Variants in ADCY7 observed in about 807,000 individuals in gnomAD.
ADCY7 encodes adenylate cyclase type 7.
A neutral mutation model predicts 120.6 loss-of-function variants in ADCY7; 72 were observed. The observed-to-expected ratio is 0.60, with a 90% CI of 0.49 to 0.73. ADCY7 has a LOEUF of 0.73. Ranked by LOEUF, ADCY7 falls within the 30% of genes least tolerant of loss-of-function variation. The probability of loss-of-function intolerance (pLI) is 0.00; values close to 1 mark genes in which losing one functional copy is unlikely to be tolerated. For synonymous variants in ADCY7, 661 were observed against 628.0 expected, an observed-to-expected ratio of 1.05 and a Z score of -0.78; for missense variants, 1,227 against 1,486.0, an observed-to-expected ratio of 0.83 and a Z score of 2.87.
At chr16:50,259,245 G>C (rs1374402315) in intron 1 of ADCY7, among the ~76,000 whole-genome samples, 3 of 152,078 alleles carry the variant, frequency 2.0e-5, no homozygotes, top group African/African-American at 7.2e-5. Flanking sequence ...AAAAAGAAAG[G>C]GGTCACACTT....
At chr16:50,306,981 A>G in intron 14 of ADCY7, 69 bp from the exon 15 acceptor site, 1 of 1,250,980 alleles carries the variant, frequency 8.0e-7, no homozygotes, top group Non-Finnish European at 1.1e-6. Context: ...TTTAAAGCTG[A>G]TTCACTGGAG....
Position 50,307,052 on chromosome 16 carries a change from C to A in ADCY7, c.1755C>A (p.Tyr585Ter). The A allele has an allele frequency of 1.2e-6, 2 of 1,607,104 alleles. No individual in the cohort carries two copies. Among genetic ancestry groups the A allele is most frequent in the Non-Finnish European group, 1.7e-6 (2 of 1,179,608 alleles). ...IFLEKGFERE[Y>*]RLAPIPRARH... ...CTCACAGTCCCTGCTGCCCCCAGTA[C>A]CGCCTGGCACCCATCCCCCGGGCCC... The change falls in exon 15 of 26, where the codon TAC (tyrosine) becomes TAA (stop). Residue 585 changes from tyrosine to a stop codon, truncating the protein, a stop_gained and splice_region_variant. Transcript: ENST00000673801. LOFTEE classifies it high-confidence loss of function.
At chr16:50,266,347 A>G (rs1276458396), upstream of ADCY7, among the ~76,000 whole-genome samples, 2 of 152,154 alleles carry the variant, frequency 1.3e-5, no homozygotes, top group Non-Finnish European at 2.9e-5. Flanking sequence ...TCCAGCTTCA[A>G]GCTTCAAATT....
rs568097152 is a variant in ADCY7, at chr16:50,315,858, G to A, written c.*353G>A. On this transcript the variant is annotated 3_prime_UTR_variant, in exon 26 of 26. Transcript: ENST00000673801. The stretch of plus-strand genomic sequence containing the variant: ...GATGAAAACAGACTTCCACCTCAGT[G>A]GCCTGTGGGCACGCACAAGTGAGGT... 8.6e-5 allele frequency: 19 copies of A among 221,894 alleles called. No homozygotes were observed. Among genetic ancestry groups the A allele is most frequent in the Middle Eastern group, 1.7e-3 (1 of 588 alleles). 13.7% of individuals were successfully genotyped at this position (221,894 alleles called of 1,614,324 possible).
At chr16:50,300,369 G>A (rs892800883) in intron 8 of ADCY7, among the ~76,000 whole-genome samples, 5 of 152,182 alleles carry the variant, frequency 3.3e-5, no homozygotes, top group African/African-American at 9.6e-5. Context: ...ACCACGCCCG[G>A]CCCCCAGTAA....
At chr16:50,292,882 T>C (rs1295410956) in intron 5 of ADCY7, 57 bp downstream of exon 5, 15 of 1,583,168 alleles carry the variant, frequency 9.5e-6, no homozygotes, top group Non-Finnish European at 1.3e-5. Context: ...CCTCTTTCTG[T>C]TGGACATGAG....
intron 19 of ADCY7, 116 bp from the exon 20 acceptor site, chr16:50,311,577 C>A: frequency 1.3e-6 from 1 of 763,604 alleles, no homozygotes; most frequent in South Asian, 1.5e-5. Flanking sequence ...TTTCTACCCA[C>A]CCCATTAGAA....
At chr16:50,282,279 C>T (rs1337816160) in intron 1 of ADCY7, among the ~76,000 whole-genome samples, 1 of 152,204 alleles carries the variant, frequency 6.6e-6, no homozygotes, top group Admixed American at 6.5e-5. Flanking sequence ...GGGGACGCTG[C>T]CAGATCAGCT....
intron 14 of ADCY7, 27 bp downstream of exon 14, chr16:50,305,876 C>T (rs372411224): frequency 1.9e-6 from 3 of 1,610,426 alleles, no homozygotes; most frequent in Non-Finnish European, 2.5e-6. Flanking sequence ...GCCTCCTCCG[C>T]AGAGGGACGG....
At chr16:50,294,843 T>G in intron 7 of ADCY7, 92 bp downstream of exon 7, 1 of 871,808 alleles carries the variant, frequency 1.1e-6, no homozygotes, top group Non-Finnish European at 1.8e-6. Context: ...CTGCTGGAAT[T>G]GGGATGGGGA....
intron 1 of ADCY7, among the ~76,000 whole-genome samples, chr16:50,271,336 G>A (rs1267390269): frequency 6.6e-6 from 1 of 152,102 alleles, no homozygotes; most frequent in Non-Finnish European, 1.5e-5. Context: ...CGACCTCCTG[G>A]GCTCAAGAGA....
chr16:50,254,997 C>T (rs2032867842), intron 1 of ADCY7, among the ~76,000 whole-genome samples: 1 of 151,454 alleles, frequency 6.6e-6, no homozygotes, highest in Non-Finnish European at 1.5e-5. Context: ...TAAAAATAGA[C>T]ACATTGGGCT....
At chr16:50,286,873 C>T (rs114532801) in intron 1 of ADCY7, among the ~76,000 whole-genome samples, 1 of 152,264 alleles carries the variant, frequency 6.6e-6, no homozygotes, top group African/African-American at 2.4e-5. Context: ...CAGAGTGAAT[C>T]GAAATGGATC....
intron 1 of ADCY7, among the ~76,000 whole-genome samples, chr16:50,275,690 G>T (rs1009975072): frequency 6.6e-6 from 1 of 152,184 alleles, no homozygotes; most frequent in Non-Finnish European, 1.5e-5. Flanking sequence ...CTGCGCATAT[G>T]TAGCTTTTCA....
Position 50,312,098 on chromosome 16 carries a change from G to GT in ADCY7, c.2514dup (p.Glu839Ter). The GT allele has an allele frequency of 1.9e-6, 3 of 1,614,228 alleles. No homozygotes were observed. Among genetic ancestry groups the GT allele is most frequent in the Non-Finnish European group, 2.5e-6 (3 of 1,180,048 alleles). ...AGAAGTTCAAGAAGGAGCACGAGGA[G>GT]TTTGAGACCATGGAGAACGTGAACC... On this transcript the variant is annotated frameshift_variant, in exon 21 of 26. Coordinates refer to ENST00000673801, the MANE Select transcript of ADCY7 (RefSeq NM_001114.5). LOFTEE classifies it high-confidence loss of function.
chr16:50,286,060 G>T (rs550537579), intron 1 of ADCY7, among the ~76,000 whole-genome samples: 1 of 152,032 alleles, frequency 6.6e-6, no homozygotes, highest in Non-Finnish European at 1.5e-5. Flanking sequence ...TGTGAAGCAC[G>T]GCTTGCAGAC....
chr16:50,315,120 A>G lies in ADCY7; in HGVS notation c.3078A>G (p.Gly1026=), dbSNP rs1177149488. 15 of 1,614,080 alleles carry G rather than the reference A, an allele frequency of 9.3e-6. No individual in the cohort carries two copies. The Admixed American group carries it at 2.2e-4, about 23-fold the overall frequency. Residue 1026 remains glycine, a synonymous_variant, in exon 25 of 26, where the codon GGA becomes GGG. Transcript: ENST00000673801. ...TGGCCAGCCGAATGGAAAGCACTGG[A>G]GAACTTGGGAAAATCCAGGTAAAGA... The part of the protein sequence containing the change: ...VNVASRMEST[G]ELGKIQVTEE...
chr16:50,312,649 A>G (rs1014408321), intron 21 of ADCY7, among the ~76,000 whole-genome samples: 10 of 152,184 alleles, frequency 6.6e-5, no homozygotes, highest in African/African-American at 2.4e-4. Flanking sequence ...CCATGTGTAC[A>G]TGGAAACACC....
intron 5 of ADCY7, 82 bp from the exon 6 acceptor site, chr16:50,293,272 G>T (rs1457170367): frequency 1.3e-6 from 2 of 1,522,688 alleles, no homozygotes; most frequent in Non-Finnish European, 8.9e-7. Flanking sequence ...TCTGGGACCT[G>T]ATGCTACCCT....
Sources: allele counts gnomAD v4.1 joint callset (sites outside exome capture counted in the v4.1 genomes callset), GRCh38; gene constraint gnomAD v4.1.1; transcripts MANE v1.5; gene names NCBI Gene and HGNC (gene_info 2026-07-23, HGNC 2026-07-21).